KCNIP4: variants seen among roughly 807,000 people sequenced by gnomAD.
KCNIP4 encodes potassium voltage-gated channel interacting protein 4, also known as Kv channel-interacting protein 4.
KCNIP4 carries 12 observed loss-of-function variants against 34.0 expected under a neutral mutation model. The observed-to-expected ratio is 0.35, with a 90% CI of 0.23 to 0.57. The LOEUF is 0.57. KCNIP4 is among the 20% of genes least tolerant of loss of function. The probability of loss-of-function intolerance (pLI) is 0.83; values close to 1 mark genes in which losing one functional copy is unlikely to be tolerated. For synonymous variants in KCNIP4, 124 were observed against 102.2 expected (o/e 1.21, Z -1.29); for missense variants, 238 against 311.7 (o/e 0.76, Z 1.78).
chr4:21,373,364 T>A lies in KCNIP4; in HGVS notation c.62-490655A>T, dbSNP rs577675320. ...ATACAAAGATAAAATATAAAAAAAA[T>A]TTTAGTGAGATTTTAGAAAGTAGAG... On this transcript the variant is annotated intron_variant, in intron 1 of 8. Coordinates refer to ENST00000382152, the MANE Select transcript of KCNIP4 (RefSeq NM_025221.6). Among the ~76,000 whole-genome samples the A allele has an allele frequency of 9.6e-5, 14 of 145,214 alleles. 1 individual carries two copies. The highest frequency in any genetic ancestry group is 3.3e-4 in the Admixed American group (5 of 15,010).
intron 1 of KCNIP4, among the ~76,000 whole-genome samples, chr4:21,157,356 C>A (rs1215638566): frequency 3.5e-5 from 5 of 140,922 alleles, no homozygotes; most frequent in African/African-American, 1.3e-4. Flanking sequence ...TTTTTTTTTT[C>A]TTTCTAACAG....
At position 21,145,830 on chromosome 4, in the gene KCNIP4, T is replaced by G. The variant is rs114124931; in HGVS notation, c.62-263121A>C. On this transcript the variant is annotated intron_variant, in intron 1 of 8. Transcript: ENST00000382152. ...TACACAGGACCAGAAAAGAAGTATT[T>G]CCAATACCCACGCCTGACTAAAGAT... 6.8e-3 allele frequency among the ~76,000 whole-genome samples: 1,029 copies of G among 152,256 alleles called. 9 individuals carry two copies. The highest frequency in any genetic ancestry group is 0.022 in the African/African-American group (929 of 41,538).
chr4:20,797,713 A>G (rs1376908073), intron 3 of KCNIP4, among the ~76,000 whole-genome samples: 2 of 152,184 alleles, frequency 1.3e-5, no homozygotes, highest in Admixed American at 6.5e-5. Context: ...GAGAGCAAGG[A>G]AAGTGTGCAG....
At chr4:20,819,185 A>G (rs6838129) in intron 3 of KCNIP4, among the ~76,000 whole-genome samples, 94,606 of 152,000 alleles carry the variant, frequency 0.62, 29,740 homozygotes, top group African/African-American at 0.7. Context: ...TAATCCTCAC[A>G]AAGAACTTAT....
chr4:21,701,056 G>A (rs1221465250), intron 1 of KCNIP4, among the ~76,000 whole-genome samples: 1 of 152,116 alleles, frequency 6.6e-6, no homozygotes, highest in African/African-American at 2.4e-5. Flanking sequence ...ATACACATTG[G>A]AATAATATTC....
intron 1 of KCNIP4, among the ~76,000 whole-genome samples, chr4:21,504,478 AGAAAGAAAGAAAGAAAG>A (rs1733653235): frequency 8.8e-6 from 1 of 113,982 alleles, no homozygotes; most frequent in African/African-American, 3.3e-5. Context: ...AAAAAAAAAA[AGAAAGAAAGAAAGAAAG>A]AAAGAAAGAA....
chr4:21,690,578 C>T (rs1711525607), intron 1 of KCNIP4, among the ~76,000 whole-genome samples: 1 of 152,142 alleles, frequency 6.6e-6, no homozygotes, highest in African/African-American at 2.4e-5. Context: ...TGATTGTAAG[C>T]TTCCTGAGGC....
At chr4:21,445,885 G>T in intron 1 of KCNIP4, among the ~76,000 whole-genome samples, 1 of 152,030 alleles carries the variant, frequency 6.6e-6, no homozygotes. Context: ...CTGACAAAGG[G>T]CTAATACTCA....
chr4:20,848,683 C>T (rs10755202), intron 3 of KCNIP4, among the ~76,000 whole-genome samples: 112,640 of 151,908 alleles, frequency 0.74, 41,873 homozygotes, highest in South Asian at 0.85. Flanking sequence ...AGAAACCCTA[C>T]GGGGATGGCA....
intron 1 of KCNIP4, among the ~76,000 whole-genome samples, chr4:21,086,956 T>G (rs1746494799): frequency 2.1e-5 from 3 of 146,050 alleles, no homozygotes; most frequent in South Asian, 4.5e-4. Flanking sequence ...CCTCCCTCCC[T>G]TCCTTTTCCT....
chr4:20,925,209 T>C (rs552582311), intron 1 of KCNIP4, among the ~76,000 whole-genome samples: 2 of 152,234 alleles, frequency 1.3e-5, no homozygotes, highest in African/African-American at 4.8e-5. Context: ...TCACAAGTCA[T>C]ATCCATGACT....
intron 1 of KCNIP4, among the ~76,000 whole-genome samples, chr4:21,401,236 G>C (rs959649946): frequency 6.6e-6 from 1 of 152,178 alleles, no homozygotes; most frequent in Admixed American, 6.5e-5. Flanking sequence ...CTCTATTAAA[G>C]AGTACCAGGG....
chr4:20,782,411 C>T (rs1263433429), intron 3 of KCNIP4, among the ~76,000 whole-genome samples: 1 of 152,184 alleles, frequency 6.6e-6, no homozygotes, highest in Non-Finnish European at 1.5e-5. Flanking sequence ...CCATGAGAGC[C>T]CTGCCTCTGC....
At chr4:21,816,912 T>C (rs763338112) in intron 1 of KCNIP4, among the ~76,000 whole-genome samples, 2 of 152,158 alleles carry the variant, frequency 1.3e-5, no homozygotes, top group Non-Finnish European at 2.9e-5. Flanking sequence ...TCCTTATCTA[T>C]AAATTGAGGA....
chr4:20,848,904 T>C (rs557418028), intron 3 of KCNIP4, among the ~76,000 whole-genome samples: 2 of 152,320 alleles, frequency 1.3e-5, no homozygotes, highest in South Asian at 2.1e-4. Context: ...GTGATTCACC[T>C]CCTCTGAGCA....
chr4:21,295,340 G>T (rs1050265104), intron 1 of KCNIP4, among the ~76,000 whole-genome samples: 3 of 152,134 alleles, frequency 2.0e-5, no homozygotes, highest in South Asian at 4.1e-4. Flanking sequence ...GGCAGCTATG[G>T]TACAGAAACA....
chr4:21,689,103 C>T (rs148088371), intron 1 of KCNIP4, among the ~76,000 whole-genome samples: 6 of 152,046 alleles, frequency 3.9e-5, no homozygotes, highest in Non-Finnish European at 7.4e-5. Flanking sequence ...AGCAGAACCA[C>T]GAGACTCAGC....
At chr4:21,282,966 G>A (rs970336901) in intron 1 of KCNIP4, among the ~76,000 whole-genome samples, 10 of 152,140 alleles carry the variant, frequency 6.6e-5, no homozygotes, top group African/African-American at 9.7e-5. Context: ...GGTTAAACAC[G>A]TGGCAAACTC....
Position 20,893,226 on chromosome 4 carries a change from A to G in KCNIP4, c.62-10517T>C, listed in dbSNP as rs559179827. On this transcript the variant is annotated intron_variant, in intron 1 of 8. Transcript: ENST00000382152. ...AAATAATGCAATTTCATTTTAAAAAATGGTGTTTTAAGAATAGCTAAATTA... is the reference window on the plus strand; with the variant it reads ...AAATAATGCAATTTCATTTTAAAAAGTGGTGTTTTAAGAATAGCTAAATTA... Among the ~76,000 whole-genome samples the G allele has an allele frequency of 6.6e-5, 10 of 152,334 alleles. 1 individual carries two copies. Among genetic ancestry groups the G allele is most frequent in the African/African-American group, 2.4e-4 (10 of 41,570 alleles).
Sources: gnomAD v4.1 joint callset for allele counts (sites outside exome capture counted in the v4.1 genomes callset) on GRCh38, gnomAD v4.1.1 for gene constraint, MANE v1.5 for transcripts, NCBI Gene and HGNC (gene_info 2026-07-23, HGNC 2026-07-21) for gene names.